Variants in MTF1 observed in about 807,000 individuals in gnomAD.
MTF1 encodes the protein MRE-binding transcription factor.
Under a neutral mutation model 70.4 loss-of-function variants are expected in MTF1, and 22 were observed. The ratio of observed to expected loss-of-function variants is 0.31; its 90% CI spans 0.22 to 0.45. The LOEUF is 0.45. Among genes scored for constraint, MTF1 ranks in the 20% least tolerant of loss-of-function variants. The probability of loss-of-function intolerance (pLI) is 1.00; values close to 1 mark genes in which losing one functional copy is unlikely to be tolerated. For synonymous variants in MTF1, 333 were observed against 352.8 expected (o/e 0.94, Z 0.63); for missense variants, 649 against 922.0 (o/e 0.70, Z 3.83).
chr1:37,854,308 C>T (rs772382868), intron 2 of MTF1, among the ~76,000 whole-genome samples: 1 of 152,322 alleles, frequency 6.6e-6, no homozygotes, highest in East Asian at 1.9e-4. Flanking sequence ...CATGTCCAGC[C>T]GGGAGATATT....
chr1:37,838,790 TA>T (rs1553148608), intron 3 of MTF1, 34 bp from the exon 4 acceptor site: 1 of 1,171,278 alleles, frequency 8.5e-7, no homozygotes, highest in Non-Finnish European at 1.2e-6. Context: ...CCCTTTGTCA[TA>T]AAATTCTTTT....
At chr1:37,855,588 A>G (rs1641479284) in intron 2 of MTF1, among the ~76,000 whole-genome samples, 1 of 152,134 alleles carries the variant, frequency 6.6e-6, no homozygotes, top group South Asian at 2.1e-4. Flanking sequence ...CATTCACCCT[A>G]TTTCTGTTTG....
chr1:37,857,797 T>A, intron 1 of MTF1, 88 bp from the exon 2 acceptor site: 1 of 740,972 alleles, frequency 1.3e-6, no homozygotes, highest in Non-Finnish European at 2.2e-6. Flanking sequence ...CCCTCTCACT[T>A]AAAGAGCAAG....
intron 2 of MTF1, among the ~76,000 whole-genome samples, chr1:37,847,732 G>GT (rs770303809): frequency 1.1e-4 from 16 of 152,198 alleles, no homozygotes; most frequent in Admixed American, 2.6e-4. Flanking sequence ...GCTCATGCCT[G>GT]TAAGTGCTCA....
intron 7 of MTF1, among the ~76,000 whole-genome samples, chr1:37,828,795 A>C (rs1457645659): frequency 1.3e-5 from 2 of 152,242 alleles, no homozygotes; most frequent in African/African-American, 2.4e-5. Context: ...CGCTGGGAGC[A>C]AAGTGGGTAG....
rs746478428 is a variant in MTF1, at chr1:37,838,797, C to CTTTTTTTTTTTTTTTTTTTTTTTTT, written c.648-42_648-41insAAAAAAAAAAAAAAAAAAAAAAAAA. 4.5e-4 allele frequency: 215 copies of CTTTTTTTTTTTTTTTTTTTTTTTTT among 474,710 alleles called. 38 individuals carry two copies. Among genetic ancestry groups the CTTTTTTTTTTTTTTTTTTTTTTTTT allele is most frequent in the East Asian group, 9.1e-4 (10 of 10,984 alleles). The allele number at this position is 474,710 out of a possible 1,614,324, so 29.4% of individuals were successfully genotyped here. On this transcript the variant is annotated intron_variant, in intron 3 of 10. Transcript: ENST00000373036. ...GAAAAATTCCCTTTGTCATAAAATT[C>CTTTTTTTTTTTTTTTTTTTTTTTTT]TTTTTTTTTTTTTTTTTTTTTTCTG...
chr1:37,856,490 A>AATT (rs1641496879), intron 2 of MTF1, among the ~76,000 whole-genome samples: 1 of 142,272 alleles, frequency 7.0e-6, no homozygotes, highest in African/African-American at 2.6e-5. Flanking sequence ...GCCCAGCCTG[A>AATT]ATTTCTTTCT....
intron 2 of MTF1, among the ~76,000 whole-genome samples, chr1:37,853,283 C>T (rs1641443781): frequency 6.6e-6 from 1 of 152,214 alleles, no homozygotes; most frequent in South Asian, 2.1e-4. Context: ...TAGAAGGTTA[C>T]CACTGCCTTC....
At chr1:37,817,764 A>G (rs1640842167) in intron 9 of MTF1, among the ~76,000 whole-genome samples, 3 of 152,090 alleles carry the variant, frequency 2.0e-5, no homozygotes, top group Non-Finnish European at 4.4e-5. Context: ...TCCTCCTCCA[A>G]GGTTGCTTTT....
At chr1:37,824,457 G>A (rs1640970296) in intron 7 of MTF1, among the ~76,000 whole-genome samples, 1 of 152,168 alleles carries the variant, frequency 6.6e-6, no homozygotes, top group Non-Finnish European at 1.5e-5. Context: ...CAGCACTTTG[G>A]GAGGCTGGGG....
chr1:37,822,564 C>G lies in MTF1; in HGVS notation c.1324G>C (p.Ala442Pro). The G allele has an allele frequency of 6.2e-7, 1 of 1,614,024 alleles. No homozygotes were observed. Among genetic ancestry groups the G allele is most frequent in the Non-Finnish European group, 8.5e-7 (1 of 1,180,008 alleles). ...CCTAGGGAGGGAGCAGGCGGAGGAG[C>G]AGACGGAGCTGAGGCAGGTAGTAGA... ...QPLLPASAPS[A>P]PPPAPSLGPG... The change falls in exon 9 of 11, where the codon GCT becomes CCT. Residue 442 changes from alanine to proline, a missense_variant. Transcript: ENST00000373036.
chr1:37,838,200 T>TTAGG (rs1423837377), intron 4 of MTF1, among the ~76,000 whole-genome samples: 3 of 152,200 alleles, frequency 2.0e-5, no homozygotes, highest in Non-Finnish European at 4.4e-5. Context: ...TCCTTGATTC[T>TTAGG]TAGGTAGGTA....
rs527513320 is a variant in MTF1 at position 37,822,665 on chromosome 1, G to A, written c.1223C>T (p.Pro408Leu). The change falls in exon 9 of 11, where the codon CCG (proline) becomes CTG (leucine). Residue 408 changes from proline to leucine, a missense_variant. By Grantham distance (98) the Pro-to-Leu change is moderately conservative. Coordinates refer to ENST00000373036, the MANE Select transcript of MTF1 (RefSeq NM_005955.3). ...NGDAESVSDV[P>L]PSTGNSASLS... ...AGATGCTGAATTTCCTGTGGATGGC[G>A]GAACATCACTGACTGACTCTGCATC... 2.2e-5 allele frequency: 35 copies of A among 1,613,650 alleles called. No individual in the cohort carries two copies. The highest frequency in any genetic ancestry group is 1.6e-4 in the Middle Eastern group (1 of 6,062).
rs750186282 is a variant in MTF1, at chr1:37,822,359, G to A, written c.1529C>T (p.Ala510Val). The A allele has an allele frequency of 7.4e-6, 12 of 1,613,070 alleles. No individual in the cohort carries two copies. Among genetic ancestry groups the A allele is most frequent in the Admixed American group, 1.7e-5 (1 of 59,966 alleles). ...TGCTGCCACAGCTGATGCCACTGCC[G>A]CTGCTGATGCAGAAGCCCCAGCAAC... ...SVVAGASASA[A>V]AVASAVAAPA... Residue 510 changes from alanine (A) to valine (V), a missense_variant, in exon 9 of 11, where the codon GCG becomes GTG. By Grantham distance (64) the Ala-to-Val change is moderately conservative. Transcript: ENST00000373036.
At chr1:37,853,551 GA>G (rs1229071514) in intron 2 of MTF1, among the ~76,000 whole-genome samples, 5 of 151,994 alleles carry the variant, frequency 3.3e-5, no homozygotes, top group South Asian at 2.1e-4. Context: ...GCCCTAAGCA[GA>G]AAAAAGTGTG....
At position 37,840,600 on chromosome 1, in the gene MTF1, T is replaced by C. The variant is rs1447574185; in HGVS notation, c.409-442A>G. 4.6e-6 allele frequency: 2 copies of C among 430,366 alleles called. No individual in the cohort carries two copies. The highest frequency in any genetic ancestry group is 2.7e-5 in the Admixed American group (1 of 37,028). 26.7% of individuals were successfully genotyped at this position (430,366 alleles called of 1,614,324 possible). A position where few individuals can be genotyped will look rare whatever the true frequency, so the allele number is the denominator to read the frequency against. ...ATCTGGAAATTTACATACTTAATCA[T>C]CAAACATATTTCCCTAGATTGTTTC... is the stretch of plus-strand genomic sequence containing the variant. On this transcript the variant is annotated intron_variant, in intron 2 of 10. Coordinates refer to ENST00000373036, the MANE Select transcript of MTF1 (RefSeq NM_005955.3). This position sits in a 1 kb window ranked among gnomAD's most constrained non-coding sequence, Gnocchi z 4.5.
Position 37,812,319 on chromosome 1 carries a change from A to T in MTF1, c.*2817T>A, listed in dbSNP as rs2148395698. 6.6e-6 allele frequency: 1 copy of T among 152,346 alleles called. No individual in the cohort carries two copies. Among genetic ancestry groups the T allele is most frequent in the South Asian group, 2.1e-4 (1 of 4,816 alleles). The allele number at this position is 152,346 out of a possible 1,614,324, so 9.4% of individuals were successfully genotyped here. ...AGGCTTATGGAAGGACAGGTAGGAA[A>T]AGAGAACTGGAAAAGGAGGGAAAGA... On this transcript the variant is annotated 3_prime_UTR_variant, in exon 11 of 11. Transcript: ENST00000373036.
At chr1:37,835,861 C>T (rs905251624) in intron 4 of MTF1, 117 bp from the exon 5 acceptor site, 48 of 804,480 alleles carry the variant, frequency 6.0e-5, no homozygotes, top group Non-Finnish European at 7.8e-5. Context: ...AGTGCAGTGG[C>T]GCAATCTTGG....
intron 7 of MTF1, among the ~76,000 whole-genome samples, chr1:37,827,116 T>C (rs1641013927): frequency 6.6e-6 from 1 of 152,168 alleles, no homozygotes; most frequent in East Asian, 1.9e-4. Flanking sequence ...ATTCTTCATA[T>C]TATATACATA....
Sources: allele counts gnomAD v4.1 joint callset (sites outside exome capture counted in the v4.1 genomes callset), GRCh38; gene constraint gnomAD v4.1.1; non-coding constraint Gnocchi (gnomAD v3.1); transcripts MANE v1.5; gene names NCBI Gene and HGNC (gene_info 2026-07-23, HGNC 2026-07-21).